Variants in XYLB observed in about 807,000 individuals in gnomAD.
XYLB encodes the protein xylulokinase.
XYLB carries 62 observed loss-of-function variants against 78.7 expected under a neutral mutation model. The ratio of observed to expected loss-of-function variants is 0.79; its 90% CI spans 0.64 to 0.97. XYLB has a LOEUF of 0.97. Ranked by LOEUF, XYLB falls within the 50% of genes least tolerant of loss-of-function variation. The pLI, the probability that XYLB is intolerant of heterozygous loss-of-function variation, is 0.00. For synonymous variants in XYLB, 245 were observed against 247.4 expected (o/e 0.99, Z 0.09); for missense variants, 687 against 676.8 (o/e 1.02, Z -0.17).
intron 18 of XYLB, among the ~76,000 whole-genome samples, chr3:38,410,241 C>G (rs1019982145): frequency 6.6e-6 from 1 of 152,134 alleles, no homozygotes; most frequent in African/African-American, 2.4e-5. Context: ...ATATCTACAA[C>G]TATCTGATCT....
chr3:38,389,403 T>C (rs1462238130), intron 15 of XYLB, among the ~76,000 whole-genome samples: 1 of 152,014 alleles, frequency 6.6e-6, no homozygotes, highest in African/African-American at 2.4e-5. Context: ...CTTTCCCCCT[T>C]TTCTATTCCA....
At position 38,412,996 on chromosome 3, in the gene XYLB, CG is replaced by C; in HGVS notation, c.1599del (p.Pro534LeufsTer17). Reference sequence around the variant, plus strand: ...CGAGCAGAGAATCTTGTCTCAGACCCGGGGGCCTCCGGAGTGAACAGGCATC... The same window carrying C: ...CGAGCAGAGAATCTTGTCTCAGACCCGGGGCCTCCGGAGTGAACAGGCATC... ...KLEQRILSQT[R>X]GPPE On this transcript the variant is annotated frameshift_variant, in exon 19 of 19. Coordinates refer to ENST00000207870, the MANE Select transcript of XYLB (RefSeq NM_005108.4). LOFTEE classifies it high-confidence loss of function. 2.5e-6 allele frequency: 4 copies of C among 1,601,544 alleles called. No homozygotes were observed. Among genetic ancestry groups the C allele is most frequent in the Admixed American group, 3.5e-5 (2 of 56,878 alleles).
At chr3:38,396,920 C>T in intron 16 of XYLB, 152 bp from the exon 17 acceptor site, 3 of 733,564 alleles carry the variant, frequency 4.1e-6, no homozygotes, top group Non-Finnish European at 7.0e-6. Context: ...ACCAGGGTAG[C>T]ATGACCAAGC....
rs1289628596 is a variant in XYLB at position 38,365,132 on chromosome 3, C to T, written c.292-67C>T. 2.7e-6 allele frequency: 4 copies of T among 1,486,874 alleles called. No individual in the cohort carries two copies. In the Admixed American group the frequency reaches 6.8e-5, roughly 25 times the overall value. The allele number at this position is 1,486,874 out of a possible 1,614,324, so 92.1% of individuals were successfully genotyped here. A position where few individuals can be genotyped will look rare whatever the true frequency, so the allele number is the denominator to read the frequency against. ...CTTTGGCATGTGGTCTGGGGTCTTT[C>T]TGTGTCTTCAGGAGGCTGTGACACT... is the stretch of plus-strand genomic sequence containing the variant. On this transcript the variant is annotated intron_variant, in intron 4 of 18. Coordinates refer to ENST00000207870, the MANE Select transcript of XYLB (RefSeq NM_005108.4).
At chr3:38,363,958 T>G (rs570969459) in intron 4 of XYLB, among the ~76,000 whole-genome samples, 1 of 152,288 alleles carries the variant, frequency 6.6e-6, no homozygotes, top group Admixed American at 6.5e-5. Context: ...AACAGGAATT[T>G]ATTGTTTTGG....
intron 18 of XYLB, among the ~76,000 whole-genome samples, chr3:38,406,150 T>C (rs761441384): frequency 1.8e-4 from 28 of 152,174 alleles, no homozygotes; most frequent in Non-Finnish European, 3.2e-4. Context: ...TAGGGGCAGA[T>C]TGACAGCCCA....
intron 2 of XYLB, among the ~76,000 whole-genome samples, chr3:38,355,212 C>T (rs575354018): frequency 3.3e-5 from 5 of 152,346 alleles, no homozygotes; most frequent in African/African-American, 9.6e-5. Context: ...AATGAACAAG[C>T]TCAGGCTATA....
intron 18 of XYLB, among the ~76,000 whole-genome samples, chr3:38,411,212 G>A (rs1708569207): frequency 1.3e-5 from 2 of 152,158 alleles, no homozygotes; most frequent in Admixed American, 6.5e-5. Context: ...AAAAAAGGAT[G>A]ATTTCATGTC....
At chr3:38,449,283 C>T in the XYLB span, among the ~76,000 whole-genome samples, 1 of 152,076 alleles carries the variant, frequency 6.6e-6, no homozygotes, top group African/African-American at 2.4e-5. Flanking sequence ...CCACCATGCC[C>T]AGCTAATTTT....
chr3:38,370,280 C>G (rs1434260181), intron 9 of XYLB, 106 bp downstream of exon 9: 2 of 319,234 alleles, frequency 6.3e-6, no homozygotes, highest in African/African-American at 2.4e-5. Flanking sequence ...TGCACACACC[C>G]TTATTTGTTC....
chr3:38,410,787 C>T (rs36153447), intron 18 of XYLB, among the ~76,000 whole-genome samples: 70,678 of 148,134 alleles, frequency 0.48, 17,664 homozygotes, highest in Non-Finnish European at 0.59. Context: ...AAAATGCTCA[C>T]CATCACTGGC....
In XYLB at chr3:38,358,344, TG is replaced by T. The variant is rs1559575709; in HGVS notation, c.141-1994del. 9.9e-3 allele frequency among the ~76,000 whole-genome samples: 897 copies of T among 90,602 alleles called. 15 individuals carry two copies. The highest frequency in any genetic ancestry group is 0.026 in the African/African-American group (793 of 30,218). The allele number at this position is 90,602 out of a possible 152,430, so 59.4% of individuals were successfully genotyped here. ...GTGTGTGTGTGTGTGTGTGTGTGTG[TG>T]TGTGTGTGTGTGTTTGAGACAGAGC... is the stretch of plus-strand genomic sequence containing the variant. On this transcript the variant is annotated intron_variant, in intron 2 of 18. Transcript: ENST00000207870.
rs906756725 is a variant in XYLB at position 38,370,088 on chromosome 3, A to G, written c.679A>G (p.Lys227Glu). ...AATGAATTTGTTGCAGATACAGGAT[A>G]AAGTCTGGTCCCAGGCTTGCCTTGG... Reference protein sequence around the residue: ...SGMNLLQIQDKVWSQACLGAC... With the variant: ...SGMNLLQIQDEVWSQACLGAC... Residue 227 changes from lysine (K) to glutamate (E), a missense_variant, in exon 9 of 19, where the codon AAA becomes GAA. Physicochemically the swap from Lys to Glu is moderately conservative, Grantham distance 56. Coordinates refer to ENST00000207870, the MANE Select transcript of XYLB (RefSeq NM_005108.4). The G allele has an allele frequency of 1.2e-6, 2 of 1,614,060 alleles. No homozygotes were observed. Among genetic ancestry groups the G allele is most frequent in the African/African-American group, 1.3e-5 (1 of 74,924 alleles).
intron 2 of XYLB, among the ~76,000 whole-genome samples, chr3:38,357,811 G>GCCA (rs1452507889): frequency 2.0e-5 from 3 of 151,768 alleles, no homozygotes. Flanking sequence ...GAGTATCTTT[G>GCCA]CCATTTGTGT....
chr3:38,383,776 G>C (rs943584989), intron 15 of XYLB, among the ~76,000 whole-genome samples: 17 of 152,130 alleles, frequency 1.1e-4, no homozygotes, highest in African/African-American at 3.9e-4. Context: ...CTGGGCGACA[G>C]AGCGAGACCA....
chr3:38,406,989 T>C (rs1708350179), intron 18 of XYLB, among the ~76,000 whole-genome samples: 1 of 149,216 alleles, frequency 6.7e-6, no homozygotes, highest in Non-Finnish European at 1.5e-5. Context: ...ACTTCCCCAA[T>C]CTAGCAAGGC....
the XYLB span, among the ~76,000 whole-genome samples, chr3:38,437,408 A>G: frequency 1.3e-5 from 2 of 152,208 alleles, no homozygotes; most frequent in Non-Finnish European, 2.9e-5. Flanking sequence ...AGTCCTAGCC[A>G]GAGCAATCAG....
chr3:38,395,678 C>T, intron 16 of XYLB, 115 bp downstream of exon 16: 1 of 1,113,722 alleles, frequency 9.0e-7, no homozygotes. Context: ...GAATGGGGAG[C>T]TCTTAGCTCA....
rs776621972 is a variant in XYLB at position 38,361,273 on chromosome 3, G to A, written c.210+865G>A. Among the ~76,000 whole-genome samples the A allele has an allele frequency of 3.9e-4, 60 of 152,112 alleles. 1 individual carries two copies. Among genetic ancestry groups the A allele is most frequent in the Admixed American group, 3.9e-4 (6 of 15,282 alleles). On this transcript the variant is annotated intron_variant, in intron 3 of 18. Transcript: ENST00000207870. The stretch of plus-strand genomic sequence containing the variant: ...AGGGATGTGGACAGCATAGACAGGC[G>A]TGGTAGCTCCAGGGGCTACCTCATC...
Sources: gnomAD v4.1 joint callset for allele counts (sites outside exome capture counted in the v4.1 genomes callset) on GRCh38, gnomAD v4.1.1 for gene constraint, MANE v1.5 for transcripts, NCBI Gene and HGNC (gene_info 2026-07-23, HGNC 2026-07-21) for gene names.